KATNB1: variants seen among roughly 807,000 people sequenced by gnomAD.
KATNB1 encodes katanin regulatory subunit B1.
In KATNB1, 38 loss-of-function variants were observed where a neutral mutation model predicts 82.3. The observed-to-expected ratio is 0.46, with a 90% CI of 0.36 to 0.61. The LOEUF (loss-of-function observed/expected upper bound fraction) is 0.61, where lower values mean the gene tolerates loss of function less well. Among genes scored for constraint, KATNB1 ranks in the 20% least tolerant of loss-of-function variants. The probability of loss-of-function intolerance (pLI) is 0.00; values close to 1 mark genes in which losing one functional copy is unlikely to be tolerated. For missense variants in KATNB1, 749 were observed against 915.7 expected (o/e 0.82, Z 2.35); for synonymous variants, 361 against 368.7 (o/e 0.98, Z 0.24).
intron 2 of KATNB1, among the ~76,000 whole-genome samples, chr16:57,738,701 T>C (rs1465527785): frequency 6.6e-6 from 1 of 152,224 alleles, no homozygotes; most frequent in Non-Finnish European, 1.5e-5. Flanking sequence ...GGGAGAACCC[T>C]GTTATGGTTC....
intron 8 of KATNB1, 90 bp from the exon 9 acceptor site, chr16:57,752,440 G>A (rs2049235963): frequency 8.4e-7 from 1 of 1,186,452 alleles, no homozygotes; most frequent in Admixed American, 2.0e-5. Context: ...CCCTGGGGGA[G>A]AGGTTTCTAG....
At position 57,751,220 on chromosome 16, in the gene KATNB1, CCTCTCCTGACTCTGCCCCTCTGCTT is replaced by C; in HGVS notation, c.391-35_391-11del. ...CACCTTCCTCCAGTCGTGGCTCTGA[CCTCTCCTGACTCTGCCCCTCTGCTT>C]CTCTCTCCCCCACAGCTCTGGGACA... On this transcript the variant is annotated splice_polypyrimidine_tract_variant and intron_variant, in intron 5 of 19. Coordinates refer to ENST00000379661, the MANE Select transcript of KATNB1 (RefSeq NM_005886.3). The surrounding 1 kb of genome is among the most constrained non-coding windows in gnomAD (Gnocchi z 6.3). The C allele has an allele frequency of 6.2e-7, 1 of 1,602,706 alleles. No individual in the cohort carries two copies.
intron 3 of KATNB1, among the ~76,000 whole-genome samples, chr16:57,744,077 T>A (rs2049163703): frequency 1.3e-5 from 2 of 152,196 alleles, no homozygotes; most frequent in African/African-American, 4.8e-5. Context: ...CAGCATCCCT[T>A]TATCTTGTCC....
intron 3 of KATNB1, 24 bp from the exon 4 acceptor site, chr16:57,744,370 G>T: frequency 2.5e-6 from 4 of 1,589,686 alleles, no homozygotes. Flanking sequence ...GCAGTGCACG[G>T]AAGCTGCTGC....
chr16:57,756,229 C>T lies in KATNB1; in HGVS notation c.1719-127C>T, dbSNP rs1425099481. The T allele has an allele frequency of 1.3e-5, 14 of 1,104,024 alleles. No homozygotes were observed. In the East Asian group the frequency reaches 1.7e-4, roughly 13 times the overall value. 68.4% of individuals were successfully genotyped at this position (1,104,024 alleles called of 1,614,324 possible). On this transcript the variant is annotated intron_variant, in intron 18 of 19. Transcript: ENST00000379661. ...GTCCGGAGGTGGGAGTGGAAACAGG[C>T]GTGTGTGGGTGTATGTGTGGGTGTG... is the stretch of plus-strand genomic sequence containing the variant.
chr16:57,751,567 T>C lies in KATNB1; in HGVS notation c.433-74T>C. 1 of 1,363,826 alleles carries C rather than the reference T, an allele frequency of 7.3e-7. No individual in the cohort carries two copies. Among genetic ancestry groups the C allele is most frequent in the Non-Finnish European group, 1.0e-6 (1 of 961,658 alleles). The allele number at this position is 1,363,826 out of a possible 1,614,324, so 84.5% of individuals were successfully genotyped here. ...GTGTTGTTAGATGGAAGGGGTCCCA[T>C]AGGAGTGAGGAGGCAGGGAGAGGTC... On this transcript the variant is annotated intron_variant, in intron 6 of 19. Transcript: ENST00000379661. This position sits in a 1 kb window ranked among gnomAD's most constrained non-coding sequence, Gnocchi z 6.3.
intron 8 of KATNB1, 55 bp downstream of exon 8, chr16:57,752,110 T>G: frequency 8.9e-7 from 1 of 1,126,286 alleles, no homozygotes; most frequent in Non-Finnish European, 1.3e-6. Flanking sequence ...CACCGCCTTG[T>G]CCTCTGTGCG....
At chr16:57,742,835 G>A (rs2049152607) in intron 3 of KATNB1, among the ~76,000 whole-genome samples, 1 of 152,212 alleles carries the variant, frequency 6.6e-6, no homozygotes, top group Non-Finnish European at 1.5e-5. Flanking sequence ...ATCCAAGGGT[G>A]TGTGCTTTTG....
chr16:57,737,310 A>AT (rs1432819417), intron 2 of KATNB1, 27 bp downstream of exon 2: 19 of 1,613,208 alleles, frequency 1.2e-5, no homozygotes, highest in Non-Finnish European at 1.5e-5. Context: ...TTTCTTTATC[A>AT]CCCCATTTAT....
Position 57,755,846 on chromosome 16 carries a change from G to T in KATNB1, c.1572G>T (p.Ser524=), listed in dbSNP as rs782643338. ...ACGGTGCTCTGTTTGCACAGACGTCGGTGGACTCCGCTGTGGCCATCAACG... is the reference window on the plus strand; with the variant it reads ...ACGGTGCTCTGTTTGCACAGACGTCTGTGGACTCCGCTGTGGCCATCAACG... The part of the protein sequence containing the change: ...AVWTMGDIKT[S]VDSAVAINDL... Residue 524 remains serine (S), a synonymous_variant, in exon 17 of 20, where the codon TCG becomes TCT. Transcript: ENST00000379661. The T allele has an allele frequency of 6.3e-7, 1 of 1,587,702 alleles. No homozygotes were observed. Among genetic ancestry groups the T allele is most frequent in the East Asian group, 2.3e-5 (1 of 44,224 alleles).
Position 57,755,640 on chromosome 16 carries a change from C to CCAT in KATNB1, c.1566+161_1566+163dup, listed in dbSNP as rs573972982. ...CCTGACGTCACACCATCTGTTTCCG[C>CCAT]CATCATCATCATCATCACAGACTGC... On this transcript the variant is annotated intron_variant, in intron 16 of 19. Transcript: ENST00000379661. 1.3e-3 allele frequency: 1,401 copies of CCAT among 1,119,924 alleles called. 2 individuals are homozygous for CCAT. The highest frequency in any genetic ancestry group is 2.2e-3 in the Admixed American group (86 of 38,678). The allele number at this position is 1,119,924 out of a possible 1,614,324, so 69.4% of individuals were successfully genotyped here.
Position 57,745,489 on chromosome 16 carries a change from G to A in KATNB1, c.289+978G>A, listed in dbSNP as rs369219762. Among the ~76,000 whole-genome samples the A allele has an allele frequency of 5.9e-4, 90 of 152,092 alleles. 2 individuals are homozygous for A. The South Asian group carries it at 0.016, about 27-fold the overall frequency. ...GAGGCAGGAGAATCACCTGAACCCGGGAGGTGGGGGTTGTGGTGAGCCAAG... is the reference window on the plus strand; with the variant it reads ...GAGGCAGGAGAATCACCTGAACCCGAGAGGTGGGGGTTGTGGTGAGCCAAG... On this transcript the variant is annotated intron_variant, in intron 4 of 19. Transcript: ENST00000379661.
rs1292262672 is a variant in KATNB1 at position 57,741,057 on chromosome 16, GGC to G, written c.41-629_41-628del. ...AGAGGACAAGTGACCTAGTAGCCAAGGCCACGCAATAGCAGATCACAGACCTC... is the reference window on the plus strand; with the variant it reads ...AGAGGACAAGTGACCTAGTAGCCAAGCACGCAATAGCAGATCACAGACCTC... On this transcript the variant is annotated intron_variant, in intron 2 of 19. Coordinates refer to ENST00000379661, the MANE Select transcript of KATNB1 (RefSeq NM_005886.3). Among the ~76,000 whole-genome samples, 10 of 152,312 alleles carry G rather than the reference GGC, an allele frequency of 6.6e-5. No homozygotes were observed. The Middle Eastern group carries it at 0.02, about 311-fold the overall frequency.
chr16:57,754,515 C>T (rs782600593), intron 13 of KATNB1, among the ~76,000 whole-genome samples: 2 of 152,210 alleles, frequency 1.3e-5, no homozygotes, highest in African/African-American at 4.8e-5. Flanking sequence ...ATGATCTGCA[C>T]TGTGGTTGGA....
At chr16:57,738,248 A>G (rs959901821) in intron 2 of KATNB1, among the ~76,000 whole-genome samples, 1 of 143,014 alleles carries the variant, frequency 7.0e-6, no homozygotes, top group Non-Finnish European at 1.5e-5. Context: ...AGGAGCTGGG[A>G]CAAGACTCCA....
intron 2 of KATNB1, among the ~76,000 whole-genome samples, chr16:57,740,986 A>G (rs2049137796): frequency 6.6e-6 from 1 of 152,246 alleles, no homozygotes; most frequent in African/African-American, 2.4e-5. Context: ...AGGTGTGAGC[A>G]GACACCACGG....
intron 18 of KATNB1, 34 bp downstream of exon 18, chr16:57,756,100 G>T: frequency 6.3e-7 from 1 of 1,598,406 alleles, no homozygotes; most frequent in Non-Finnish European, 8.5e-7. Flanking sequence ...GCCTGAAGCA[G>T]GGGGAGGGGA....
At chr16:57,754,077 A>G (rs1322375640) in intron 13 of KATNB1, 82 bp downstream of exon 13, 6 of 1,222,186 alleles carry the variant, frequency 4.9e-6, no homozygotes, top group Non-Finnish European at 7.1e-6. Flanking sequence ...CCTCCCAACA[A>G]GCCCCTTCCC....
chr16:57,737,726 G>A lies in KATNB1; in HGVS notation c.40+443G>A, dbSNP rs115699744. ...TGGGGGAAGGAGTGGGAGCGAGGAG[G>A]GGCGGGCAGAGGGATGCAGACAGGG... On this transcript the variant is annotated intron_variant, in intron 2 of 19. Coordinates refer to ENST00000379661, the MANE Select transcript of KATNB1 (RefSeq NM_005886.3). 5.9e-3 allele frequency among the ~76,000 whole-genome samples: 899 copies of A among 152,260 alleles called. 8 individuals are homozygous for A. Among genetic ancestry groups the A allele is most frequent in the African/African-American group, 0.02 (825 of 41,544 alleles).
Sources: gnomAD v4.1 joint callset for allele counts (sites outside exome capture counted in the v4.1 genomes callset) on GRCh38, gnomAD v4.1.1 for gene constraint, Gnocchi (gnomAD v3.1) non-coding constraint, MANE v1.5 for transcripts, NCBI Gene and HGNC (gene_info 2026-07-23, HGNC 2026-07-21) for gene names.